VDAC1: variants seen among roughly 807,000 people sequenced by gnomAD.
VDAC1 encodes the protein non-selective voltage-gated ion channel VDAC1.
Under a neutral mutation model 34.7 loss-of-function variants are expected in VDAC1, and 10 were observed. The observed-to-expected ratio is 0.29, with a 90% CI of 0.18 to 0.49. The LOEUF (loss-of-function observed/expected upper bound fraction) is 0.49. Ranked by LOEUF, VDAC1 falls within the 20% of genes least tolerant of loss-of-function variation. The pLI is 0.99. For missense variants in VDAC1, 230 were observed against 347.9 expected (o/e 0.66, Z 2.69); for synonymous variants, 130 against 136.0 (o/e 0.96, Z 0.30).
the VDAC1 span, among the ~76,000 whole-genome samples, chr5:134,037,009 CA>C: frequency 2.0e-5 from 3 of 151,756 alleles, no homozygotes; most frequent in African/African-American, 7.3e-5. Context: ...AATGCACAAA[CA>C]GTTAATATGA....
chr5:134,101,941 C>G, the VDAC1 span, among the ~76,000 whole-genome samples: 18 of 152,244 alleles, frequency 1.2e-4, no homozygotes, highest in Non-Finnish European at 1.8e-4. Flanking sequence ...TGGGAACCAA[C>G]ATGCTGGCCA....
At chr5:134,085,876 G>C in the VDAC1 span, among the ~76,000 whole-genome samples, 1 of 151,916 alleles carries the variant, frequency 6.6e-6, no homozygotes, top group African/African-American at 2.4e-5. Flanking sequence ...CTGGGTGACA[G>C]AATAAGACCC....
At chr5:133,973,273 A>G (rs1561579182) in intron 8 of VDAC1, among the ~76,000 whole-genome samples, 2 of 152,252 alleles carry the variant, frequency 1.3e-5, no homozygotes, top group Non-Finnish European at 1.5e-5. Flanking sequence ...GTGTGCATGT[A>G]CATCCACAGA....
chr5:134,097,626 G>A, the VDAC1 span, among the ~76,000 whole-genome samples: 5 of 152,194 alleles, frequency 3.3e-5, no homozygotes, highest in Admixed American at 2.0e-4. Flanking sequence ...GCTGGAAGGT[G>A]CTTGGTCCCG....
At chr5:134,085,076 C>CT in the VDAC1 span, among the ~76,000 whole-genome samples, 14 of 146,076 alleles carry the variant, frequency 9.6e-5, 1 homozygote, top group South Asian at 2.4e-3. Flanking sequence ...TTTTTCTTTT[C>CT]TTTTTTTTTT....
the VDAC1 span, among the ~76,000 whole-genome samples, chr5:134,085,646 G>A: frequency 2.1e-4 from 31 of 144,408 alleles, no homozygotes; most frequent in Admixed American, 3.6e-4. Context: ...CCAGCCCTCC[G>A]GAAGGCAAAG....
chr5:134,030,969 C>G, the VDAC1 span, among the ~76,000 whole-genome samples: 1 of 152,060 alleles, frequency 6.6e-6, no homozygotes, highest in East Asian at 1.9e-4. Context: ...TTTGCTGGAA[C>G]AAGGCCCCTT....
At chr5:134,079,326 G>T in the VDAC1 span, among the ~76,000 whole-genome samples, 1 of 152,214 alleles carries the variant, frequency 6.6e-6, no homozygotes, top group Non-Finnish European at 1.5e-5. Context: ...TGGCCCATAC[G>T]TGGAATGGGA....
At chr5:134,035,087 C>T in the VDAC1 span, among the ~76,000 whole-genome samples, 1 of 151,908 alleles carries the variant, frequency 6.6e-6, no homozygotes, top group Non-Finnish European at 1.5e-5. Flanking sequence ...ATCTCGGTTT[C>T]CAAGCACTGT....
chr5:134,016,642 T>A, the VDAC1 span, among the ~76,000 whole-genome samples: 1 of 152,204 alleles, frequency 6.6e-6, no homozygotes, highest in African/African-American at 2.4e-5. Context: ...CGGGCACCAC[T>A]TTGTTTTTTA....
At chr5:134,082,706 A>T in the VDAC1 span, among the ~76,000 whole-genome samples, 4 of 152,194 alleles carry the variant, frequency 2.6e-5, no homozygotes, top group Admixed American at 2.0e-4. Flanking sequence ...CTCCTTGCCA[A>T]CACCTGGTAT....
the VDAC1 span, among the ~76,000 whole-genome samples, chr5:134,032,144 A>AAAAAAAAAAAAAAAAAAAAAAAAAAAAC: frequency 6.8e-6 from 1 of 146,358 alleles, no homozygotes; most frequent in East Asian, 2.2e-4. Context: ...AAAAAAAAAA[A>AAAAAAAAAAAAAAAAAAAAAAAAAAAAC]GCTACTCTGC....
At chr5:134,050,464 C>A in the VDAC1 span, among the ~76,000 whole-genome samples, 30 of 152,120 alleles carry the variant, frequency 2.0e-4, no homozygotes, top group Non-Finnish European at 4.4e-4. Context: ...ACTTCCAAGC[C>A]CCCCCAGCAA....
the VDAC1 span, among the ~76,000 whole-genome samples, chr5:134,027,523 AG>A: frequency 6.6e-6 from 1 of 152,200 alleles, no homozygotes; most frequent in African/African-American, 2.4e-5. Context: ...GGGACAAAAA[AG>A]GGACTGAGAC....
At chr5:133,991,650 C>T (rs1171426598) in intron 3 of VDAC1, among the ~76,000 whole-genome samples, 1 of 152,158 alleles carries the variant, frequency 6.6e-6, no homozygotes, top group Admixed American at 6.5e-5. Flanking sequence ...CTCTATTACC[C>T]GCTGCTGAAC....
At chr5:134,079,271 G>A in the VDAC1 span, among the ~76,000 whole-genome samples, 19 of 152,180 alleles carry the variant, frequency 1.2e-4, no homozygotes, top group Non-Finnish European at 2.1e-4. Flanking sequence ...GAGCCACCAC[G>A]CCTGGCCCCC....
chr5:134,072,185 G>A, the VDAC1 span, among the ~76,000 whole-genome samples: 3 of 152,158 alleles, frequency 2.0e-5, no homozygotes, highest in African/African-American at 7.2e-5. Context: ...GGGACTGTTA[G>A]GCACCTACTA....
chr5:134,023,482 A>C, the VDAC1 span, among the ~76,000 whole-genome samples: 1 of 147,830 alleles, frequency 6.8e-6, no homozygotes, highest in African/African-American at 2.5e-5. Flanking sequence ...ACTTAAAGTA[A>C]AAAAAAAAAA....
At chr5:134,072,183 T>TC in the VDAC1 span, among the ~76,000 whole-genome samples, 1 of 152,132 alleles carries the variant, frequency 6.6e-6, no homozygotes, top group South Asian at 2.1e-4. Flanking sequence ...CAGGGACTGT[T>TC]AGGCACCTAC....
Sources: gnomAD v4.1 joint callset for allele counts (sites outside exome capture counted in the v4.1 genomes callset) on GRCh38, gnomAD v4.1.1 for gene constraint, MANE v1.5 for transcripts, NCBI Gene and HGNC (gene_info 2026-07-23, HGNC 2026-07-21) for gene names.